The following BRWD3 variants were observed in gnomAD, a reference collection of about 807,000 sequenced individuals.
BRWD3 encodes the protein bromodomain and WD repeat domain containing 3, also known as bromodomain and WD repeat-containing protein 3.
A neutral mutation model predicts 149.7 loss-of-function variants in BRWD3; 10 were observed. The ratio of observed to expected loss-of-function variants is 0.07; its 90% confidence interval spans 0.04 to 0.11. The LOEUF (loss-of-function observed/expected upper bound fraction) is 0.11. Ranked by LOEUF, BRWD3 falls within the 10% of genes least tolerant of loss-of-function variation. The pLI is 1.00. For synonymous variants in BRWD3, 504 were observed against 456.7 expected (o/e 1.10, Z -1.32); for missense variants, 940 against 1,373.2 (o/e 0.68, Z 4.99).
At chrX:80,771,878 C>T (rs2073947651) in intron 6 of BRWD3, among the ~76,000 whole-genome samples, 2 of 111,815 alleles carry the variant, frequency 1.8e-5, no homozygotes, top group South Asian at 3.7e-4. Flanking sequence ...TGCTCATCAT[C>T]GCTGGCCATC....
intron 12 of BRWD3, among the ~76,000 whole-genome samples, chrX:80,730,443 A>AAGAAAGAG (rs2073313590): frequency 9.2e-6 from 1 of 109,047 alleles, no homozygotes; most frequent in Non-Finnish European, 1.9e-5. Context: ...GAAAGAAAGA[A>AAGAAAGAG]AGAAAGACAC....
At chrX:80,719,040 G>A (rs2073109075) in intron 18 of BRWD3, among the ~76,000 whole-genome samples, 1 of 90,432 alleles carries the variant, frequency 1.1e-5, no homozygotes, top group African/African-American at 3.9e-5. Flanking sequence ...TTCCCTAAGA[G>A]TGCTTCTTGT....
intron 20 of BRWD3, among the ~76,000 whole-genome samples, chrX:80,711,104 A>G (rs1388712597): frequency 8.9e-6 from 1 of 112,204 alleles, no homozygotes; most frequent in Non-Finnish European, 1.9e-5. Flanking sequence ...AAGACATTTC[A>G]GTCATATGTG....
chrX:80,689,894 C>CA (rs1241728123), intron 32 of BRWD3, 48 bp from the exon 33 acceptor site: 2 of 1,165,496 alleles, frequency 1.7e-6, no homozygotes, highest in Admixed American at 4.5e-5. Flanking sequence ...TACAATTTTT[C>CA]AATTAATTTT....
At chrX:80,693,771 T>C (rs1454710638) in intron 27 of BRWD3, among the ~76,000 whole-genome samples, 3 of 112,025 alleles carry the variant, frequency 2.7e-5, no homozygotes, top group Non-Finnish European at 5.6e-5. Context: ...GAGCATTCAG[T>C]TTTATGTATT....
intron 5 of BRWD3, among the ~76,000 whole-genome samples, chrX:80,792,160 A>G (rs1176005742): frequency 8.9e-6 from 1 of 112,609 alleles, no homozygotes; most frequent in African/African-American, 3.2e-5. Context: ...TCATCTGGAT[A>G]TTTTATTTCT....
At chrX:80,680,604 C>T (rs950472322) in intron 40 of BRWD3, among the ~76,000 whole-genome samples, 8 of 110,886 alleles carry the variant, frequency 7.2e-5, no homozygotes, top group African/African-American at 1.6e-4. Flanking sequence ...GTGGTAGAAG[C>T]GGTTATTGAC....
rs192765020 is a variant in BRWD3 at position 80,738,914 on chromosome X, G to A, written c.814-2826C>T. On this transcript the variant is annotated intron_variant, in intron 8 of 40. Transcript: ENST00000373275. Reference sequence around the variant, plus strand: ...GCGCCAAGGAGGCTGAGAATACAGAGCACTGTGAGTCACTGTGAAGACTTC... The same window carrying A: ...GCGCCAAGGAGGCTGAGAATACAGAACACTGTGAGTCACTGTGAAGACTTC... Among the ~76,000 whole-genome samples the A allele has an allele frequency of 1.6e-4, 18 of 111,854 alleles. No individual in the cohort carries two copies. In the East Asian group the frequency reaches 5.1e-3, roughly 32 times the overall value.
At chrX:80,712,865 C>A (rs1260413391) in intron 20 of BRWD3, among the ~76,000 whole-genome samples, 2 of 105,883 alleles carry the variant, frequency 1.9e-5, no homozygotes, top group Non-Finnish European at 3.9e-5. Context: ...AGGAGACCCT[C>A]CGCCTGGCAA....
At chrX:80,697,043 T>C (rs1037064808) in intron 25 of BRWD3, among the ~76,000 whole-genome samples, 180 bp from the exon 26 acceptor site, 1 of 111,596 alleles carries the variant, frequency 9.0e-6, no homozygotes, top group Non-Finnish European at 1.9e-5. Flanking sequence ...TGTAGTTTAG[T>C]GCAAGGCTCT....
chrX:80,698,301 T>A (rs1346560206), intron 25 of BRWD3, among the ~76,000 whole-genome samples: 2 of 112,196 alleles, frequency 1.8e-5, no homozygotes, highest in African/African-American at 6.5e-5. Flanking sequence ...TAAAGTTATA[T>A]ATTAGCATAT....
At chrX:80,802,442 TAA>T (rs760675783) in intron 4 of BRWD3, among the ~76,000 whole-genome samples, 89 of 48,877 alleles carry the variant, frequency 1.8e-3, no homozygotes, top group Admixed American at 4.2e-3. Flanking sequence ...ACTCTCATCT[TAA>T]AAAAAAAAAA....
chrX:80,726,408 T>C (rs1235331345), intron 14 of BRWD3, among the ~76,000 whole-genome samples: 2 of 110,773 alleles, frequency 1.8e-5, no homozygotes, highest in Admixed American at 9.6e-5. Flanking sequence ...ACATATGTTA[T>C]ATGTTTATAT....
Position 80,681,458 on chromosome X carries a change from C to T in BRWD3, c.4537G>A (p.Asp1513Asn). Residue 1513 changes from aspartate (D) to asparagine (N), a missense_variant, in exon 40 of 41, where the codon GAT becomes AAT. Transcript: ENST00000373275. ...AEGLSLYLLD[D>N]EPDGPFSSSS... ...GAAGAAAATGGCCCATCTGGCTCAT[C>T]ATCAAGTAGATATAGTGAAAGCCCT... is the stretch of plus-strand genomic sequence containing the variant. 1.7e-6 allele frequency: 2 copies of T among 1,209,390 alleles called. No individual in the cohort carries two copies. The highest frequency in any genetic ancestry group is 2.2e-6 in the Non-Finnish European group (2 of 893,767).
At chrX:80,745,522 T>C (rs1356190078) in intron 7 of BRWD3, 47 bp downstream of exon 7, 24 of 1,130,565 alleles carry the variant, frequency 2.1e-5, no homozygotes, top group Non-Finnish European at 2.8e-5. Flanking sequence ...CTGGCTTCAA[T>C]TGTTGTAATT....
At position 80,690,177 on chromosome X, in the gene BRWD3, C is replaced by T. The variant is rs1602308751; in HGVS notation, c.3603-85G>A. ...ATATACAATATGGAACAAATATGTACTTAAACACAGTGTGTCAAAGGTGTT... is the reference window on the plus strand; with the variant it reads ...ATATACAATATGGAACAAATATGTATTTAAACACAGTGTGTCAAAGGTGTT... On this transcript the variant is annotated intron_variant, in intron 31 of 40. Coordinates refer to ENST00000373275, the MANE Select transcript of BRWD3 (RefSeq NM_153252.5). 3.0e-6 allele frequency: 3 copies of T among 995,208 alleles called. No homozygotes were observed. In the East Asian group the frequency reaches 9.9e-5, roughly 33 times the overall value. 82.0% of individuals were successfully genotyped at this position (995,208 alleles called of 1,213,427 possible). A position where few individuals can be genotyped will look rare whatever the true frequency, so the allele number is the denominator to read the frequency against.
At chrX:80,709,640 T>C (rs1227945026) in intron 20 of BRWD3, 63 bp from the exon 21 acceptor site, 4 of 1,056,089 alleles carry the variant, frequency 3.8e-6, no homozygotes, top group South Asian at 2.1e-5. Flanking sequence ...ACAAGGAACA[T>C]ATATAAAGCA....
At chrX:80,776,336 A>G in intron 6 of BRWD3, among the ~76,000 whole-genome samples, 1 of 112,236 alleles carries the variant, frequency 8.9e-6, no homozygotes, top group East Asian at 2.8e-4. Context: ...TTTGTATTAC[A>G]ACTATTTCAC....
In BRWD3 at chrX:80,707,407, A is replaced by G. The variant is rs759069971; in HGVS notation, c.2552+20T>C. The G allele has an allele frequency of 3.4e-6, 4 of 1,180,868 alleles. No individual in the cohort carries two copies. Among genetic ancestry groups the G allele is most frequent in the Admixed American group, 2.2e-5 (1 of 45,875 alleles). Reference sequence around the variant, plus strand: ...AAAACTGTTCAATAATTTTGACCAAATTAAAACCATTAAAACTACCTGGAA... The same window carrying G: ...AAAACTGTTCAATAATTTTGACCAAGTTAAAACCATTAAAACTACCTGGAA... On this transcript the variant is annotated intron_variant, in intron 22 of 40. Coordinates refer to ENST00000373275, the MANE Select transcript of BRWD3 (RefSeq NM_153252.5).
Sources: allele counts gnomAD v4.1 joint callset (sites outside exome capture counted in the v4.1 genomes callset), GRCh38; gene constraint gnomAD v4.1.1; transcripts MANE v1.5; gene names NCBI Gene and HGNC (gene_info 2026-07-23, HGNC 2026-07-21).